OGDHL: variants seen among roughly 807,000 people sequenced by gnomAD.
OGDHL encodes oxoglutarate dehydrogenase L.
Under a neutral mutation model 109.6 loss-of-function variants are expected in OGDHL, and 79 were observed. That is an observed-to-expected ratio of 0.72 (90% CI 0.60 to 0.87). OGDHL has a LOEUF of 0.87. Among genes scored for constraint, OGDHL ranks in the 40% least tolerant of loss-of-function variants. The pLI is 0.00. For synonymous variants in OGDHL, 528 were observed against 537.2 expected, an observed-to-expected ratio of 0.98 and a Z score of 0.24; for missense variants, 1,275 against 1,362.2, an observed-to-expected ratio of 0.94 and a Z score of 1.01.
intron 20 of OGDHL, 111 bp from the exon 21 acceptor site, chr10:49,736,631 G>T: frequency 8.3e-7 from 1 of 1,203,764 alleles, no homozygotes. Context: ...CTAACTGCAG[G>T]TTTGGACTTG....
chr10:49,746,946 C>T, intron 9 of OGDHL, 68 bp from the exon 10 acceptor site: 1 of 1,609,912 alleles, frequency 6.2e-7, no homozygotes, highest in Non-Finnish European at 8.5e-7. Flanking sequence ...GGCACCTGTA[C>T]TGTGGAGACC....
intron 17 of OGDHL, chr10:49,738,514 ACT>A (rs753061885): frequency 3.0e-5 from 16 of 541,846 alleles, no homozygotes; most frequent in Non-Finnish European, 4.3e-5. Context: ...AAAAGCCCGC[ACT>A]GAGACGTGCT....
In OGDHL at chr10:49,750,074, C is replaced by T. The variant is rs1180593586; in HGVS notation, c.897-258G>A. ...ACCAGACACTGGGCATTCCCAGGCC[C>T]CCCATGACAGACAAACCCCAAAGTC... On this transcript the variant is annotated intron_variant, in intron 7 of 22. Coordinates refer to ENST00000374103, the MANE Select transcript of OGDHL (RefSeq NM_018245.3). Among the ~76,000 whole-genome samples the T allele has an allele frequency of 2.0e-5, 3 of 152,218 alleles. No homozygotes were observed. The East Asian group carries it at 5.8e-4, about 29-fold the overall frequency.
Position 49,752,139 on chromosome 10 carries a change from G to GTGAGAT in OGDHL, c.587_588insATCTCA (p.Arg196_Leu197insSerHis), listed in dbSNP as rs1431106910. Reference sequence around the variant, plus strand: ...CACACCCGCCTGTGCTCACCTCCAGGCGCCGAATGATCTCCCGCAGAGAGA... The same window carrying GTGAGAT: ...CACACCCGCCTGTGCTCACCTCCAGGTGAGATCGCCGAATGATCTCCCGCAGAGAGA... On this transcript the variant is annotated inframe_insertion, in exon 5 of 23. Transcript: ENST00000374103. 6.2e-7 allele frequency: 1 copy of GTGAGAT among 1,613,918 alleles called. No individual in the cohort carries two copies. Among genetic ancestry groups the GTGAGAT allele is most frequent in the Admixed American group, 1.7e-5 (1 of 60,000 alleles).
intron 9 of OGDHL, 55 bp from the exon 10 acceptor site, chr10:49,746,933 G>C: frequency 6.2e-7 from 1 of 1,612,618 alleles, no homozygotes; most frequent in East Asian, 2.2e-5. Context: ...ATGTAGCCCA[G>C]CCGGCACCTG....
intron 13 of OGDHL, among the ~76,000 whole-genome samples, chr10:49,744,406 G>A (rs1842026490): frequency 6.6e-6 from 1 of 152,144 alleles, no homozygotes; most frequent in African/African-American, 2.4e-5. Flanking sequence ...AGTGCCCAGG[G>A]CTTCCTCTCC....
intron 15 of OGDHL, 117 bp downstream of exon 15, chr10:49,742,711 A>G: frequency 7.6e-7 from 1 of 1,322,348 alleles, no homozygotes; most frequent in African/African-American, 1.5e-5. Context: ...ACCTGAGGGC[A>G]GGGGCTAGGG....
chr10:49,739,571 G>A (rs1841483698), intron 17 of OGDHL, 90 bp downstream of exon 17: 17 of 1,483,446 alleles, frequency 1.1e-5, no homozygotes, highest in Admixed American at 6.0e-5. Flanking sequence ...GGCATATACC[G>A]TCCAACCCGA....
intron 12 of OGDHL, among the ~76,000 whole-genome samples, chr10:49,745,133 A>G (rs1359382492): frequency 4.6e-5 from 7 of 152,220 alleles, no homozygotes; most frequent in Non-Finnish European, 2.9e-5. Context: ...GACTTCCCCC[A>G]CATTGCAGTA....
In OGDHL at chr10:49,740,731, G is replaced by A. The variant is rs1454726891; in HGVS notation, c.2119C>T (p.Leu707Phe). The A allele has an allele frequency of 6.2e-7, 1 of 1,613,798 alleles. No homozygotes were observed. ...QAPYTVCNSS[L>F]SEYGVLGFEL... Reference sequence around the variant, plus strand: ...CCACCCAGGACTCCGTACTCCGAGAGGGAGCTGTTGCACACGGTGTACGGG... The same window carrying A: ...CCACCCAGGACTCCGTACTCCGAGAAGGAGCTGTTGCACACGGTGTACGGG... Residue 707 changes from leucine to phenylalanine, a missense_variant, in exon 16 of 23, where the codon CTC becomes TTC. Leu to Phe is a conservative substitution (Grantham distance 22). Transcript: ENST00000374103.
intron 3 of OGDHL, among the ~76,000 whole-genome samples, chr10:49,753,569 T>G (rs1200563045): frequency 6.6e-6 from 1 of 152,220 alleles, no homozygotes; most frequent in Admixed American, 6.5e-5. Context: ...AAGTCTTTTT[T>G]ATTACCAGTC....
At chr10:49,748,112 C>T (rs1271629) in intron 8 of OGDHL, among the ~76,000 whole-genome samples, 61,178 of 152,110 alleles carry the variant, frequency 0.4, 14,254 homozygotes, top group East Asian at 0.89. Context: ...CAGTCCCACC[C>T]CCGTAGCTCC....
chr10:49,747,241 C>T, intron 8 of OGDHL, 33 bp from the exon 9 acceptor site: 1 of 1,604,442 alleles, frequency 6.2e-7, no homozygotes, highest in Non-Finnish European at 8.5e-7. Context: ...GATGGATCCT[C>T]CCCTCCCACA....
intron 3 of OGDHL, among the ~76,000 whole-genome samples, chr10:49,755,579 T>G (rs975058540): frequency 1.3e-5 from 2 of 152,108 alleles, no homozygotes; most frequent in East Asian, 3.9e-4. Context: ...CAGCACAGTG[T>G]GCAGGTGATT....
intron 10 of OGDHL, 139 bp downstream of exon 10, chr10:49,746,610 TG>T: frequency 8.8e-7 from 1 of 1,136,038 alleles, no homozygotes; most frequent in Non-Finnish European, 1.2e-6. Flanking sequence ...ACACCAAGGC[TG>T]GAAAGAGCAG....
rs777295534 is a variant in OGDHL at position 49,746,731 on chromosome 10, G to A, written c.1296+19C>T. The A allele has an allele frequency of 9.3e-6, 15 of 1,613,418 alleles. No individual in the cohort carries two copies. The highest frequency in any genetic ancestry group is 1.3e-5 in the African/African-American group (1 of 75,060). Reference sequence around the variant, plus strand: ...GGATGCTGACGCTGTGAGGCCCAGCGTGGAGCCTACATGCTCACCTGGTTG... The same window carrying A: ...GGATGCTGACGCTGTGAGGCCCAGCATGGAGCCTACATGCTCACCTGGTTG... On this transcript the variant is annotated intron_variant, in intron 10 of 22. Transcript: ENST00000374103.
intron 3 of OGDHL, among the ~76,000 whole-genome samples, chr10:49,755,229 G>A (rs1842847693): frequency 6.6e-6 from 1 of 152,194 alleles, no homozygotes; most frequent in East Asian, 1.9e-4. Flanking sequence ...GGGTGACAGA[G>A]TAAAACTCCA....
intron 15 of OGDHL, among the ~76,000 whole-genome samples, chr10:49,741,619 G>A (rs745537757): frequency 4.0e-5 from 6 of 150,882 alleles, no homozygotes; most frequent in Non-Finnish European, 8.8e-5. Context: ...CAAGATAGGG[G>A]CTGACTTAAC....
intron 1 of OGDHL, among the ~76,000 whole-genome samples, chr10:49,761,715 A>C (rs1843296082): frequency 1.3e-5 from 2 of 152,096 alleles, no homozygotes. Flanking sequence ...GGGGGGCGGA[A>C]GAAGCGCATC....
Sources: gnomAD v4.1 joint callset for allele counts (sites outside exome capture counted in the v4.1 genomes callset) on GRCh38, gnomAD v4.1.1 for gene constraint, MANE v1.5 for transcripts, NCBI Gene and HGNC (gene_info 2026-07-23, HGNC 2026-07-21) for gene names.